KIF1A: variants seen among roughly 807,000 people sequenced by gnomAD.
KIF1A encodes kinesin family member 1A.
KIF1A carries 46 observed loss-of-function variants against 227.3 expected under a neutral mutation model. The observed-to-expected ratio is 0.20, with a 90% CI of 0.16 to 0.26. The LOEUF is 0.26. KIF1A is among the 10% of genes least tolerant of loss of function. The pLI, the probability that KIF1A is intolerant of heterozygous loss-of-function variation, is 1.00. For missense variants in KIF1A, 1,683 were observed against 2,485.9 expected, an observed-to-expected ratio of 0.68 and a Z score of 6.87; for synonymous variants, 1,022 against 1,012.8, an observed-to-expected ratio of 1.01 and a Z score of -0.17.
chr2:240,760,318 C>T (rs780225595), intron 25 of KIF1A, among the ~76,000 whole-genome samples: 3 of 152,238 alleles, frequency 2.0e-5, no homozygotes, highest in East Asian at 1.9e-4. Flanking sequence ...CCGCTCTTGG[C>T]GCTCCGCCAG....
intron 25 of KIF1A, among the ~76,000 whole-genome samples, chr2:240,759,871 G>A (rs2050303987): frequency 6.6e-6 from 1 of 152,134 alleles, no homozygotes. Context: ...AATTAGCTGG[G>A]TGTCATAGTG....
intron 1 of KIF1A, among the ~76,000 whole-genome samples, chr2:240,811,818 G>A (rs1354938324): frequency 6.6e-6 from 1 of 152,146 alleles, no homozygotes; most frequent in East Asian, 1.9e-4. Flanking sequence ...TGGCAGGGTG[G>A]GGTCTGCGCT....
chr2:240,776,070 A>G (rs373875245), intron 10 of KIF1A, 144 bp from the exon 11 acceptor site: 4 of 659,396 alleles, frequency 6.1e-6, no homozygotes, highest in South Asian at 5.1e-5. Flanking sequence ...ACACATTCTC[A>G]GGCTGCCCAG....
At chr2:240,806,408 G>A (rs35899663) in intron 1 of KIF1A, among the ~76,000 whole-genome samples, 1,577 of 152,328 alleles carry the variant, frequency 0.01, 18 homozygotes, top group Non-Finnish European at 0.016. Flanking sequence ...AAGGTAAGGA[G>A]ACATCTGTGA....
At chr2:240,784,345 C>T (rs1432950561) in intron 7 of KIF1A, among the ~76,000 whole-genome samples, 1 of 152,168 alleles carries the variant, frequency 6.6e-6, no homozygotes. Context: ...AGCTACAGGG[C>T]AGGACTTGCC....
intron 48 of KIF1A, among the ~76,000 whole-genome samples, chr2:240,717,667 C>T (rs1303617730): frequency 3.3e-5 from 5 of 152,208 alleles, no homozygotes; most frequent in Non-Finnish European, 5.9e-5. Context: ...CAAGGGCACA[C>T]GGTTTCCCCA....
intron 31 of KIF1A, 83 bp downstream of exon 31, chr2:240,745,655 C>T (rs1211962146): frequency 6.5e-7 from 1 of 1,538,304 alleles, no homozygotes; most frequent in East Asian, 2.4e-5. Context: ...ACATGGCCTG[C>T]TCCCTGCCCA....
Position 240,725,182 on chromosome 2 carries a change from G to A in KIF1A, c.4256+89C>T. On this transcript the variant is annotated intron_variant, in intron 40 of 48. Transcript: ENST00000498729. The surrounding 1 kb of genome is among the most constrained non-coding windows in gnomAD (Gnocchi z 5.8). ...CTCGCACAGGGTGAGCTGCCGGGTG[G>A]CCCAAGGACCGCTGCCAGGCAGAGC... The A allele has an allele frequency of 7.1e-7, 1 of 1,418,188 alleles. No homozygotes were observed. The highest frequency in any genetic ancestry group is 9.6e-7 in the Non-Finnish European group (1 of 1,043,958). 87.9% of individuals were successfully genotyped at this position (1,418,188 alleles called of 1,614,324 possible).
At chr2:240,774,116 G>T in intron 12 of KIF1A, 67 bp downstream of exon 12, 2 of 1,041,734 alleles carry the variant, frequency 1.9e-6, no homozygotes, top group Non-Finnish European at 2.9e-6. Flanking sequence ...CCTAATTCAA[G>T]CACGAGAGGA....
chr2:240,741,313 G>A lies in KIF1A; in HGVS notation c.3705C>T (p.Asp1235=). 6.2e-7 allele frequency: 1 copy of A among 1,600,752 alleles called. No homozygotes were observed. The highest frequency in any genetic ancestry group is 8.5e-7 in the Non-Finnish European group (1 of 1,176,190). Reference sequence around the variant, plus strand: ...CACAGATCTCGAAGTAGACCAGCAGGTCGTACTTGCAGTGGCAGGGTCCCG... The same window carrying A: ...CACAGATCTCGAAGTAGACCAGCAGATCGTACTTGCAGTGGCAGGGTCCCG... ...PCPGPCHCKY[D]LLVYFEICEL... The change falls in exon 35 of 49, where the codon GAC becomes GAT. Residue 1235 remains aspartate, a synonymous_variant. Coordinates refer to ENST00000498729, the MANE Select transcript of KIF1A (RefSeq NM_001244008.2).
chr2:240,806,544 T>A (rs1417889607), intron 1 of KIF1A, among the ~76,000 whole-genome samples: 1 of 152,096 alleles, frequency 6.6e-6, no homozygotes, highest in African/African-American at 2.4e-5. Flanking sequence ...CTAGACCAGC[T>A]CTAGAAAAGC....
chr2:240,765,635 G>T, intron 20 of KIF1A, 75 bp downstream of exon 20: 2 of 1,195,410 alleles, frequency 1.7e-6, no homozygotes, highest in Non-Finnish European at 2.5e-6. Context: ...AGGAGGCGGT[G>T]GCTTGGACAT....
rs946753975 is a variant in KIF1A, at chr2:240,714,327, C to T, written c.*3037G>A. On this transcript the variant is annotated 3_prime_UTR_variant, in exon 49 of 49. Coordinates refer to ENST00000498729, the MANE Select transcript of KIF1A (RefSeq NM_001244008.2). ...CCAGTGGGAGGCCTTGGACTTGGCACCCCTAGGCACTGGCCGTGTCCCATC... is the reference window on the plus strand; with the variant it reads ...CCAGTGGGAGGCCTTGGACTTGGCATCCCTAGGCACTGGCCGTGTCCCATC... 2 of 152,366 alleles carry T rather than the reference C, an allele frequency of 1.3e-5. No individual in the cohort carries two copies. The highest frequency in any genetic ancestry group is 1.5e-5 in the Non-Finnish European group (1 of 68,098). The allele number at this position is 152,366 out of a possible 1,614,324, so 9.4% of individuals were successfully genotyped here. A position where few individuals can be genotyped will look rare whatever the true frequency, so the allele number is the denominator to read the frequency against.
rs73102676 is a variant in KIF1A at position 240,789,221 on chromosome 2, G to C, written c.183+15C>G. On this transcript the variant is annotated intron_variant, in intron 3 of 48. Coordinates refer to ENST00000498729, the MANE Select transcript of KIF1A (RefSeq NM_001244008.2). The surrounding 1 kb of genome is among the most constrained non-coding windows in gnomAD (Gnocchi z 4.8). ...CTGCTGCCCCCGCCTCCCCCGACCCGGGGTCCCGGCTTACTGAGGTGTGCG... is the reference window on the plus strand; with the variant it reads ...CTGCTGCCCCCGCCTCCCCCGACCCCGGGTCCCGGCTTACTGAGGTGTGCG... 1.2e-6 allele frequency: 2 copies of C among 1,610,500 alleles called. No individual in the cohort carries two copies. Among genetic ancestry groups the C allele is most frequent in the Non-Finnish European group, 1.7e-6 (2 of 1,176,926 alleles).
intron 22 of KIF1A, 75 bp from the exon 23 acceptor site, chr2:240,762,887 G>A: frequency 6.9e-7 from 1 of 1,442,346 alleles, no homozygotes; most frequent in Non-Finnish European, 9.5e-7. Context: ...TAGACAGTGG[G>A]CCTCACCACA....
chr2:240,735,940 G>C (rs1455958629), intron 38 of KIF1A, among the ~76,000 whole-genome samples: 2 of 151,958 alleles, frequency 1.3e-5, no homozygotes, highest in African/African-American at 2.4e-5. Flanking sequence ...GCTGGGACCA[G>C]AGCTGCATCC....
intron 28 of KIF1A, 38 bp downstream of exon 28, chr2:240,750,391 G>T (rs115874389): frequency 6.7e-7 from 1 of 1,501,602 alleles, no homozygotes; most frequent in African/African-American, 1.4e-5. Flanking sequence ...CAGCCCCAGG[G>T]GCTCCAATGC....
At position 240,718,079 on chromosome 2, in the gene KIF1A, G is replaced by A; in HGVS notation, c.5304C>T (p.Ala1768=). The A allele has an allele frequency of 1.9e-6, 3 of 1,611,062 alleles. No homozygotes were observed. Among genetic ancestry groups the A allele is most frequent in the Non-Finnish European group, 2.5e-6 (3 of 1,179,106 alleles). The part of the protein sequence containing the change: ...SDKDMHDWLY[A]FNPLLAGTIR... Reference sequence around the variant, plus strand: ...TGGTCCCGGCCAGGAGGGGGTTGAAGGCGTACAGCCAGTCATGCATGTCCT... The same window carrying A: ...TGGTCCCGGCCAGGAGGGGGTTGAAAGCGTACAGCCAGTCATGCATGTCCT... The change falls in exon 48 of 49, where the codon GCC becomes GCT. Residue 1768 remains alanine, a synonymous_variant. Coordinates refer to ENST00000498729, the MANE Select transcript of KIF1A (RefSeq NM_001244008.2).
rs1410506856 is a variant in KIF1A at position 240,793,809 on chromosome 2, TCTC to T, written c.106+3835_106+3837del. ...AAGGCACGCTTTAGAGAGTGGGGCCTCTCCTCATGTTTTGAGACTCCAGGAACA... is the reference window on the plus strand; with the variant it reads ...AAGGCACGCTTTAGAGAGTGGGGCCTCTCATGTTTTGAGACTCCAGGAACA... On this transcript the variant is annotated intron_variant, in intron 2 of 48. Transcript: ENST00000498729. This position sits in a 1 kb window ranked among gnomAD's most constrained non-coding sequence, Gnocchi z 4.8. Among the ~76,000 whole-genome samples the T allele has an allele frequency of 6.6e-6, 1 of 152,076 alleles. No homozygotes were observed.
Sources: gnomAD v4.1 joint callset for allele counts (sites outside exome capture counted in the v4.1 genomes callset) on GRCh38, gnomAD v4.1.1 for gene constraint, Gnocchi (gnomAD v3.1) non-coding constraint, MANE v1.5 for transcripts, NCBI Gene and HGNC (gene_info 2026-07-23, HGNC 2026-07-21) for gene names.